ERBB4: variants seen among roughly 807,000 people sequenced by gnomAD.
ERBB4 encodes the protein receptor tyrosine-protein kinase erbB-4.
Under a neutral mutation model 158.0 loss-of-function variants are expected in ERBB4, and 42 were observed. The ratio of observed to expected loss-of-function variants is 0.27; its 90% CI spans 0.21 to 0.34. ERBB4 has a LOEUF of 0.34. Ranked by LOEUF, ERBB4 falls within the 10% of genes least tolerant of loss-of-function variation. The pLI, the probability that ERBB4 is intolerant of heterozygous loss-of-function variation, is 1.00. For synonymous variants in ERBB4, 583 were observed against 558.7 expected, an observed-to-expected ratio of 1.04 and a Z score of -0.61; for missense variants, 1,333 against 1,624.1, an observed-to-expected ratio of 0.82 and a Z score of 3.08.
intron 3 of ERBB4, among the ~76,000 whole-genome samples, chr2:211,810,625 T>C (rs1322671942): frequency 6.6e-6 from 1 of 150,708 alleles, no homozygotes; most frequent in Non-Finnish European, 1.5e-5. Context: ...AACACACTGA[T>C]GGGTCTTGAC....
At chr2:212,372,413 A>G (rs1054721146) in intron 1 of ERBB4, among the ~76,000 whole-genome samples, 4 of 152,082 alleles carry the variant, frequency 2.6e-5, no homozygotes, top group Non-Finnish European at 5.9e-5. Flanking sequence ...CTTAAATCCT[A>G]TAAGATCCAA....
At chr2:211,665,980 G>A (rs963898857) in intron 14 of ERBB4, among the ~76,000 whole-genome samples, 5 of 152,174 alleles carry the variant, frequency 3.3e-5, no homozygotes, top group African/African-American at 1.2e-4. Flanking sequence ...TGAGAAAAGG[G>A]ATATAATAGA....
Position 211,640,571 on chromosome 2 carries a change from G to A in ERBB4, c.1947-9977C>T, listed in dbSNP as rs1204427373. Among the ~76,000 whole-genome samples, 13 of 152,214 alleles carry A rather than the reference G, an allele frequency of 8.5e-5. No individual in the cohort carries two copies. The East Asian group carries it at 9.7e-4, about 11-fold the overall frequency. ...AGGTTATACAACTTGTCCAAGGTCCGAAGCATTCTAACTGGATAGTCAAGC... is the reference window on the plus strand; with the variant it reads ...AGGTTATACAACTTGTCCAAGGTCCAAAGCATTCTAACTGGATAGTCAAGC... On this transcript the variant is annotated intron_variant, in intron 16 of 27. Transcript: ENST00000342788.
chr2:211,899,550 C>T (rs1371534466), intron 3 of ERBB4, among the ~76,000 whole-genome samples: 2 of 152,066 alleles, frequency 1.3e-5, no homozygotes. Context: ...GTAATACTTT[C>T]TTGTCAAGCA....
intron 1 of ERBB4, among the ~76,000 whole-genome samples, chr2:212,129,430 TATA>T (rs2080040639): frequency 1.3e-5 from 2 of 151,268 alleles, no homozygotes; most frequent in East Asian, 1.9e-4. Context: ...TCCAATATAA[TATA>T]ATATTATACA....
intron 1 of ERBB4, among the ~76,000 whole-genome samples, chr2:212,361,871 G>A (rs914493459): frequency 6.6e-6 from 1 of 151,558 alleles, no homozygotes; most frequent in African/African-American, 2.4e-5. Context: ...TTCACTCTGC[G>A]TTTTAAAAGT....
chr2:212,479,990 C>T (rs1574998302), intron 1 of ERBB4, among the ~76,000 whole-genome samples: 2 of 152,030 alleles, frequency 1.3e-5, no homozygotes, highest in Admixed American at 1.3e-4. Context: ...AAAAAAAAGT[C>T]CTATACGTAT....
At chr2:211,770,192 T>C (rs534483640) in intron 4 of ERBB4, among the ~76,000 whole-genome samples, 6 of 152,362 alleles carry the variant, frequency 3.9e-5, no homozygotes, top group African/African-American at 1.2e-4. Flanking sequence ...TGTCTCTTAC[T>C]GTGAATCACT....
At chr2:211,620,521 TA>T (rs2069560452) in intron 18 of ERBB4, among the ~76,000 whole-genome samples, 1 of 152,166 alleles carries the variant, frequency 6.6e-6, no homozygotes, top group South Asian at 2.1e-4. Context: ...ATAAAGAAAA[TA>T]AAAGATTTTA....
At chr2:211,728,026 A>G (rs2074320558) in intron 5 of ERBB4, among the ~76,000 whole-genome samples, 1 of 151,938 alleles carries the variant, frequency 6.6e-6, no homozygotes, top group African/African-American at 2.4e-5. Flanking sequence ...TCCTGGTACA[A>G]AATTCTGCAT....
chr2:211,779,834 T>G (rs139354843), intron 4 of ERBB4: 81 of 152,254 alleles, frequency 5.3e-4, no homozygotes, highest in African/African-American at 1.9e-3. Flanking sequence ...CCTCTATGAC[T>G]CTCTCGATAA....
At chr2:211,775,965 T>C (rs2075864315) in intron 4 of ERBB4, among the ~76,000 whole-genome samples, 1 of 152,204 alleles carries the variant, frequency 6.6e-6, no homozygotes, top group East Asian at 1.9e-4. Flanking sequence ...AGATGGTGAG[T>C]TGTATCGGGG....
intron 2 of ERBB4, among the ~76,000 whole-genome samples, chr2:211,995,390 A>G (rs1020726853): frequency 6.6e-6 from 1 of 152,096 alleles, no homozygotes; most frequent in Admixed American, 6.6e-5. Context: ...ACGGCTTTTC[A>G]TTCATTGGAT....
intron 3 of ERBB4, among the ~76,000 whole-genome samples, chr2:211,866,199 C>A (rs2078202135): frequency 6.6e-6 from 1 of 152,090 alleles, no homozygotes; most frequent in African/African-American, 2.4e-5. Flanking sequence ...TGCAGTGAGC[C>A]AAGATCACGC....
chr2:211,719,726 G>A (rs369145193), intron 7 of ERBB4, among the ~76,000 whole-genome samples: 2 of 151,900 alleles, frequency 1.3e-5, no homozygotes, highest in African/African-American at 2.4e-5. Flanking sequence ...ATGGTGGCAC[G>A]TGCCTGTAGT....
At chr2:211,961,045 C>T (rs1228420368) in intron 2 of ERBB4, among the ~76,000 whole-genome samples, 1 of 151,914 alleles carries the variant, frequency 6.6e-6, no homozygotes, top group African/African-American at 2.4e-5. Context: ...TTCTGTGAAC[C>T]TAAAACTTCC....
chr2:211,396,333 A>T (rs894251387), intron 25 of ERBB4, among the ~76,000 whole-genome samples: 18 of 152,076 alleles, frequency 1.2e-4, no homozygotes, highest in African/African-American at 4.3e-4. Context: ...TGTTTTTCTT[A>T]TGTTTCACAT....
At chr2:211,559,122 G>C (rs2067316689) in intron 20 of ERBB4, among the ~76,000 whole-genome samples, 1 of 151,994 alleles carries the variant, frequency 6.6e-6, no homozygotes, top group Admixed American at 6.6e-5. Flanking sequence ...CTCAGGAAAT[G>C]ATCTCACCGT....
chr2:211,536,262 C>T (rs1359260772), intron 20 of ERBB4, among the ~76,000 whole-genome samples: 1 of 151,960 alleles, frequency 6.6e-6, no homozygotes, highest in Non-Finnish European at 1.5e-5. Context: ...AATTACACAC[C>T]TTCCACACCT....
Sources: allele counts gnomAD v4.1 joint callset (sites outside exome capture counted in the v4.1 genomes callset), GRCh38; gene constraint gnomAD v4.1.1; transcripts MANE v1.5; gene names NCBI Gene and HGNC (gene_info 2026-07-23, HGNC 2026-07-21).